TRIM13: variants seen among roughly 807,000 people sequenced by gnomAD.
The protein encoded by TRIM13 is E3 ubiquitin-protein ligase TRIM13.
TRIM13 carries 15 observed loss-of-function variants against 27.1 expected under a neutral mutation model. The ratio of observed to expected loss-of-function variants is 0.55; its 90% CI spans 0.37 to 0.85. TRIM13 has a LOEUF of 0.85. Ranked by LOEUF, TRIM13 falls within the 40% of genes least tolerant of loss-of-function variation. TRIM13 has a pLI of 0.00. For synonymous variants in TRIM13, 193 were observed against 171.5 expected (o/e 1.13, Z -0.98); for missense variants, 402 against 472.2 (o/e 0.85, Z 1.38).
chr13:50,015,919 G>C lies in TRIM13; in HGVS notation c.*2755G>C, dbSNP rs768138543. The stretch of plus-strand genomic sequence containing the variant: ...AGATGCTAACAGGGAGGATTACAGT[G>C]TTTACAGAACAACCTTCAGCGCCGA... On this transcript the variant is annotated 3_prime_UTR_variant, in exon 2 of 2. Coordinates refer to ENST00000378182, the MANE Select transcript of TRIM13 (RefSeq NM_213590.3). 1 of 1,614,058 alleles carries C rather than the reference G, an allele frequency of 6.2e-7. No individual in the cohort carries two copies. Among genetic ancestry groups the C allele is most frequent in the Non-Finnish European group, 8.5e-7 (1 of 1,179,988 alleles).
intron 1 of TRIM13, among the ~76,000 whole-genome samples, chr13:50,000,756 T>A (rs1231468201): frequency 6.8e-6 from 1 of 148,076 alleles, no homozygotes; most frequent in Non-Finnish European, 1.5e-5. Flanking sequence ...CTGAATTTTC[T>A]ATAATAAAAA....
chr13:50,003,678 T>C (rs967118625), intron 1 of TRIM13, among the ~76,000 whole-genome samples: 1 of 152,234 alleles, frequency 6.6e-6, no homozygotes, highest in Non-Finnish European at 1.5e-5. Context: ...GAAGCTGTTG[T>C]TGCCAGATAC....
chr13:50,011,852 G>A (rs962282725), intron 1 of TRIM13, 83 bp from the exon 2 acceptor site: 16 of 1,439,678 alleles, frequency 1.1e-5, no homozygotes, highest in Middle Eastern at 2.3e-4. Context: ...TCATTTTAAC[G>A]TGAAGGCAGA....
At chr13:50,011,657 G>T (rs565065733) in intron 1 of TRIM13, among the ~76,000 whole-genome samples, 12 of 152,148 alleles carry the variant, frequency 7.9e-5, no homozygotes, top group Non-Finnish European at 1.6e-4. Context: ...ACTTGCAGTT[G>T]TCCTAGTCCT....
chr13:49,999,256 G>A (rs531698758), intron 1 of TRIM13, among the ~76,000 whole-genome samples: 9 of 152,062 alleles, frequency 5.9e-5, no homozygotes, highest in Non-Finnish European at 1.0e-4. Flanking sequence ...GTCTTTAGAC[G>A]GGCTATGTAA....
rs1876716375 is a variant in TRIM13, at chr13:50,017,238, G to A, written c.*4074G>A. The A allele has an allele frequency of 6.0e-6, 1 of 166,976 alleles. No homozygotes were observed. Among genetic ancestry groups the A allele is most frequent in the South Asian group, 2.1e-4 (1 of 4,824 alleles). The allele number at this position is 166,976 out of a possible 1,614,324, so 10.3% of individuals were successfully genotyped here. ...TGGTTTTTAAAATATGAGTGATTAT[G>A]ACCTCTTTGGGGATCATGCTTCAAA... is the stretch of plus-strand genomic sequence containing the variant. On this transcript the variant is annotated 3_prime_UTR_variant, in exon 2 of 2. Transcript: ENST00000378182.
intron 1 of TRIM13, among the ~76,000 whole-genome samples, chr13:50,010,702 C>T (rs1004725278): frequency 1.3e-5 from 2 of 152,062 alleles, no homozygotes; most frequent in Non-Finnish European, 1.5e-5. Flanking sequence ...ACATAAAACC[C>T]AGCCTTTTCA....
rs371513812 is a variant in TRIM13 at position 50,012,453 on chromosome 13, C to A, written c.513C>A (p.Ser171=). 1.7e-5 allele frequency: 28 copies of A among 1,613,792 alleles called. No homozygotes were observed. Among genetic ancestry groups the A allele is most frequent in the Admixed American group, 5.0e-5 (3 of 59,990 alleles). Reference sequence around the variant, plus strand: ...CCTTGGAAACTAGTAAGAGGAAATCCCTACAGTTACTGACTAAAGATTCAG... The same window carrying A: ...CCTTGGAAACTAGTAAGAGGAAATCACTACAGTTACTGACTAAAGATTCAG... The part of the protein sequence containing the change: ...LDTLETSKRK[S]LQLLTKDSDK... The change falls in exon 2 of 2, where the codon TCC becomes TCA. Residue 171 remains serine (S), a synonymous_variant. Coordinates refer to ENST00000378182, the MANE Select transcript of TRIM13 (RefSeq NM_213590.3).
At chr13:50,003,242 G>C (rs1874273508) in intron 1 of TRIM13, among the ~76,000 whole-genome samples, 2 of 152,118 alleles carry the variant, frequency 1.3e-5, no homozygotes, top group Admixed American at 6.6e-5. Flanking sequence ...CTTAGGTACT[G>C]TTTTGAAATT....
chr13:50,000,280 T>C (rs1416975030), intron 1 of TRIM13, among the ~76,000 whole-genome samples: 1 of 152,186 alleles, frequency 6.6e-6, no homozygotes, highest in East Asian at 1.9e-4. Context: ...TTAGAGTTCA[T>C]AAAGTGATAT....
chr13:50,003,540 CTT>C (rs761477079), intron 1 of TRIM13, among the ~76,000 whole-genome samples: 3 of 152,092 alleles, frequency 2.0e-5, no homozygotes, highest in Non-Finnish European at 4.4e-5. Context: ...GGGTTGATCT[CTT>C]AAAAGAATTC....
rs752992853 is a variant in TRIM13 at position 50,015,830 on chromosome 13, C to T, written c.*2666C>T. 8.7e-6 allele frequency: 14 copies of T among 1,614,128 alleles called. No homozygotes were observed. Among genetic ancestry groups the T allele is most frequent in the East Asian group, 2.2e-5 (1 of 44,876 alleles). On this transcript the variant is annotated 3_prime_UTR_variant, in exon 2 of 2. Coordinates refer to ENST00000378182, the MANE Select transcript of TRIM13 (RefSeq NM_213590.3). ...GCCAAGACCTGCTCTTGTGGAGGTACATTTCCTAAGCCGGAACACTCAAGC... is the reference window on the plus strand; with the variant it reads ...GCCAAGACCTGCTCTTGTGGAGGTATATTTCCTAAGCCGGAACACTCAAGC...
intron 1 of TRIM13, among the ~76,000 whole-genome samples, chr13:50,008,235 A>G (rs1184197636): frequency 2.0e-5 from 3 of 152,162 alleles, no homozygotes; most frequent in African/African-American, 7.2e-5. Flanking sequence ...TAGATGGCCT[A>G]CCGATTAAGT....
At position 50,016,173 on chromosome 13, in the gene TRIM13, T is replaced by G. The variant is rs1253676375; in HGVS notation, c.*3009T>G. On this transcript the variant is annotated 3_prime_UTR_variant, in exon 2 of 2. Coordinates refer to ENST00000378182, the MANE Select transcript of TRIM13 (RefSeq NM_213590.3). Reference sequence around the variant, plus strand: ...CTGTAACTTCTGGAAAAGATGATTATTCAAAATAATGTTTTGGGGTAACCA... The same window carrying G: ...CTGTAACTTCTGGAAAAGATGATTAGTCAAAATAATGTTTTGGGGTAACCA... 1.2e-6 allele frequency: 1 copy of G among 815,988 alleles called. No homozygotes were observed. The highest frequency in any genetic ancestry group is 1.9e-6 in the Non-Finnish European group (1 of 516,250). 50.5% of individuals were successfully genotyped at this position (815,988 alleles called of 1,614,324 possible).
rs892756806 is a variant in TRIM13, at chr13:50,013,469, G to A, written c.*305G>A. On this transcript the variant is annotated 3_prime_UTR_variant, in exon 2 of 2. Transcript: ENST00000378182. ...ATGATCTAATATTGTATTGATGGAA[G>A]TATAGGTAGTATAGTAGTGATTGTT... 2.0e-5 allele frequency: 4 copies of A among 202,124 alleles called. No individual in the cohort carries two copies. Among genetic ancestry groups the A allele is most frequent in the African/African-American group, 7.2e-5 (3 of 41,712 alleles). 12.5% of individuals were successfully genotyped at this position (202,124 alleles called of 1,614,324 possible).
In TRIM13 at chr13:49,997,481, T is replaced by C. The variant is rs1873370714; in HGVS notation, c.-289T>C. ...AGCGCGCCGCCAGCGTTTGGTTGCA[T>C]GGCGCCGGGGGAGGGCGCCCTAACC... On this transcript the variant is annotated 5_prime_UTR_variant, in exon 1 of 2. It removes an upstream start codon present in the reference 5' UTR. Coordinates refer to ENST00000378182, the MANE Select transcript of TRIM13 (RefSeq NM_213590.3). The C allele has an allele frequency of 6.6e-6, 1 of 151,920 alleles. No individual in the cohort carries two copies. Among genetic ancestry groups the C allele is most frequent in the African/African-American group, 2.4e-5 (1 of 41,326 alleles). The allele number at this position is 151,920 out of a possible 1,614,324, so 9.4% of individuals were successfully genotyped here.
rs1460584985 is a variant in TRIM13, at chr13:50,016,440, G to C, written c.*3276G>C. ...GATTGTTTCAGTGGTTCACATAAAG[G>C]CTCGCTCACTGGTTTCTCTTGAGTT... is the stretch of plus-strand genomic sequence containing the variant. On this transcript the variant is annotated 3_prime_UTR_variant, in exon 2 of 2. Coordinates refer to ENST00000378182, the MANE Select transcript of TRIM13 (RefSeq NM_213590.3). 1.9e-5 allele frequency: 4 copies of C among 208,196 alleles called. No individual in the cohort carries two copies. Among genetic ancestry groups the C allele is most frequent in the Admixed American group, 5.5e-5 (1 of 18,252 alleles). 12.9% of individuals were successfully genotyped at this position (208,196 alleles called of 1,614,324 possible).
chr13:49,998,242 G>GT (rs575433681), intron 1 of TRIM13, among the ~76,000 whole-genome samples: 4 of 151,854 alleles, frequency 2.6e-5, no homozygotes, highest in Non-Finnish European at 4.4e-5. Flanking sequence ...CTAAAAATAC[G>GT]TTTTTTTTCC....
chr13:50,014,313 C>CAAAAAAAAA lies in TRIM13; in HGVS notation c.*1173_*1181dup, dbSNP rs1173935698. The CAAAAAAAAA allele has an allele frequency of 1.6e-4, 3 of 19,296 alleles. 1 individual carries two copies. The highest frequency in any genetic ancestry group is 3.0e-4 in the Non-Finnish European group (3 of 9,908). The allele number at this position is 19,296 out of a possible 1,614,324, so 1.2% of individuals were successfully genotyped here. The stretch of plus-strand genomic sequence containing the variant: ...AAACATAGCAAGACCCAGTCTCTAC[C>CAAAAAAAAA]AAAAAAAAAAAAAAAAAAAAAAAAA... On this transcript the variant is annotated 3_prime_UTR_variant, in exon 2 of 2. Transcript: ENST00000378182.
Sources: gnomAD v4.1 joint callset for allele counts (sites outside exome capture counted in the v4.1 genomes callset) on GRCh38, gnomAD v4.1.1 for gene constraint, MANE v1.5 for transcripts, NCBI Gene and HGNC (gene_info 2026-07-23, HGNC 2026-07-21) for gene names.